Variants in SPATS2 observed in about 807,000 individuals in gnomAD.
SPATS2 encodes the protein spermatogenesis-associated serine-rich protein 2.
In SPATS2, 38 loss-of-function variants were observed where a neutral mutation model predicts 63.7. That is an observed-to-expected ratio of 0.60 (90% CI 0.46 to 0.78). The LOEUF is 0.78. Ranked by LOEUF, SPATS2 falls within the 30% of genes least tolerant of loss-of-function variation. The pLI is 0.00. For missense variants in SPATS2, 588 were observed against 666.2 expected (o/e 0.88, Z 1.29); for synonymous variants, 207 against 232.9 (o/e 0.89, Z 1.01).
intron 2 of SPATS2, among the ~76,000 whole-genome samples, chr12:49,453,583 A>T (rs1031474833): frequency 6.6e-6 from 1 of 152,104 alleles, no homozygotes; most frequent in South Asian, 2.1e-4. Context: ...AAGTCAGGGC[A>T]GGAGGATTGC....
intron 2 of SPATS2, among the ~76,000 whole-genome samples, chr12:49,414,940 C>T (rs11169004): frequency 0.27 from 33,948 of 126,614 alleles, 6,707 homozygotes; most frequent in African/African-American, 0.57. Context: ...TTTTTCTTTT[C>T]TTTTTTTTTT....
chr12:49,435,768 T>C (rs1945269366), intron 2 of SPATS2, among the ~76,000 whole-genome samples: 2 of 149,522 alleles, frequency 1.3e-5, no homozygotes, highest in Non-Finnish European at 1.5e-5. Flanking sequence ...TCTCTGGTTT[T>C]CCTAGGCAGA....
At chr12:49,392,100 T>C (rs1944427927) in intron 2 of SPATS2, among the ~76,000 whole-genome samples, 1 of 152,218 alleles carries the variant, frequency 6.6e-6, no homozygotes, top group Admixed American at 6.5e-5. Flanking sequence ...AGGCAGTTCA[T>C]TGAGGCAGCT....
At chr12:49,438,554 A>G (rs977105695) in intron 2 of SPATS2, among the ~76,000 whole-genome samples, 15 of 152,198 alleles carry the variant, frequency 9.9e-5, no homozygotes, top group African/African-American at 3.6e-4. Context: ...CATGAGCAAT[A>G]TTTGAGAATC....
intron 2 of SPATS2, among the ~76,000 whole-genome samples, chr12:49,412,198 T>C (rs981987295): frequency 6.6e-6 from 1 of 152,074 alleles, no homozygotes; most frequent in Non-Finnish European, 1.5e-5. Flanking sequence ...TAATAATTTA[T>C]TTTATTTTAT....
intron 3 of SPATS2, among the ~76,000 whole-genome samples, chr12:49,476,451 C>T (rs1166541215): frequency 6.6e-6 from 1 of 152,148 alleles, no homozygotes; most frequent in African/African-American, 2.4e-5. Context: ...TGGTACAAGG[C>T]AAGAAACCCC....
rs751227170 is a variant in SPATS2, at chr12:49,394,234, A to AGGCT, written c.-244+22946_-244+22949dup. On this transcript the variant is annotated intron_variant, in intron 2 of 13. Transcript: ENST00000552918. ...ACACCTGCAGTCGCGGCTACTTGGG[A>AGGCT]GGCTGAGGTGGGAGGGATCCCTTGA... Among the ~76,000 whole-genome samples the AGGCT allele has an allele frequency of 5.3e-5, 8 of 150,224 alleles. No individual in the cohort carries two copies. In the East Asian group the frequency reaches 1.2e-3, roughly 22 times the overall value.
intron 2 of SPATS2, among the ~76,000 whole-genome samples, chr12:49,396,638 C>T (rs1944517013): frequency 1.3e-5 from 2 of 152,200 alleles, no homozygotes; most frequent in Admixed American, 6.5e-5. Context: ...GTGAATGGTG[C>T]AGGACTAGGA....
chr12:49,426,775 C>T (rs1945084242), intron 2 of SPATS2, among the ~76,000 whole-genome samples: 1 of 152,150 alleles, frequency 6.6e-6, no homozygotes, highest in Non-Finnish European at 1.5e-5. Flanking sequence ...GATCTCCTGA[C>T]CTCGTGATCC....
chr12:49,448,067 C>T (rs1945546906), intron 2 of SPATS2, among the ~76,000 whole-genome samples: 1 of 150,560 alleles, frequency 6.6e-6, no homozygotes, highest in South Asian at 2.1e-4. Context: ...TTCTTCTTTT[C>T]TGCTATAGAT....
intron 2 of SPATS2, among the ~76,000 whole-genome samples, chr12:49,390,891 A>C (rs1944406890): frequency 6.6e-6 from 1 of 152,190 alleles, no homozygotes; most frequent in Non-Finnish European, 1.5e-5. Flanking sequence ...TGAAAGAATA[A>C]GTTTTGGTTC....
chr12:49,486,844 A>G (rs1946303698), intron 4 of SPATS2, among the ~76,000 whole-genome samples: 1 of 151,906 alleles, frequency 6.6e-6, no homozygotes, highest in African/African-American at 2.4e-5. Context: ...GCTTATTGCT[A>G]TTGAGGAGTC....
chr12:49,399,991 A>G (rs976098278), intron 2 of SPATS2, among the ~76,000 whole-genome samples: 20 of 152,172 alleles, frequency 1.3e-4, no homozygotes, highest in African/African-American at 4.6e-4. Flanking sequence ...AGCAGCGATC[A>G]CGCCACTGCA....
At chr12:49,425,830 A>G (rs1043074876) in intron 2 of SPATS2, among the ~76,000 whole-genome samples, 1 of 149,088 alleles carries the variant, frequency 6.7e-6, no homozygotes, top group African/African-American at 2.5e-5. Flanking sequence ...CGGGGGTTTC[A>G]CCACGTTGGC....
chr12:49,404,606 T>C (rs1296115235), intron 2 of SPATS2, among the ~76,000 whole-genome samples: 1 of 152,080 alleles, frequency 6.6e-6, no homozygotes. Context: ...AATAGAGACT[T>C]GAAAGATGAG....
chr12:49,401,314 T>C (rs1944601711), intron 2 of SPATS2, among the ~76,000 whole-genome samples: 1 of 152,216 alleles, frequency 6.6e-6, no homozygotes, highest in African/African-American at 2.4e-5. Context: ...TCTGGCTCTT[T>C]TTTTCCTTTT....
chr12:49,511,175 C>T (rs752232452), intron 9 of SPATS2, among the ~76,000 whole-genome samples: 1 of 148,648 alleles, frequency 6.7e-6, no homozygotes, highest in Non-Finnish European at 1.5e-5. Context: ...TACTCCAGAG[C>T]GAGACTCCAT....
At chr12:49,466,745 A>AT (rs1945923196) in intron 3 of SPATS2, among the ~76,000 whole-genome samples, 1 of 152,176 alleles carries the variant, frequency 6.6e-6, no homozygotes, top group African/African-American at 2.4e-5. Context: ...TCCTCCAATG[A>AT]TTTTCCCCAC....
chr12:49,516,481 G>A (rs1946852934), intron 10 of SPATS2, among the ~76,000 whole-genome samples: 1 of 151,812 alleles, frequency 6.6e-6, no homozygotes, highest in Non-Finnish European at 1.5e-5. Context: ...GCCGAGGCGG[G>A]CTGATCACGA....
Sources: gnomAD v4.1 joint callset for allele counts (sites outside exome capture counted in the v4.1 genomes callset) on GRCh38, gnomAD v4.1.1 for gene constraint, MANE v1.5 for transcripts, NCBI Gene and HGNC (gene_info 2026-07-23, HGNC 2026-07-21) for gene names.